Variants in IPO7 observed in about 807,000 individuals in gnomAD.
IPO7 encodes importin-7.
A neutral mutation model predicts 136.4 loss-of-function variants in IPO7; 13 were observed. That is an observed-to-expected ratio of 0.10 (90% CI 0.06 to 0.15). IPO7 has a LOEUF of 0.15. IPO7 is among the 10% of genes least tolerant of loss of function. IPO7 has a pLI of 1.00. For missense variants in IPO7, 857 were observed against 1,240.6 expected, an observed-to-expected ratio of 0.69 and a Z score of 4.65; for synonymous variants, 403 against 404.4, an observed-to-expected ratio of 1.00 and a Z score of 0.04.
intron 2 of IPO7, among the ~76,000 whole-genome samples, chr11:9,408,204 A>G (rs1486723393): frequency 6.6e-6 from 1 of 152,178 alleles, no homozygotes; most frequent in Non-Finnish European, 1.5e-5. Flanking sequence ...AAACAGGGTT[A>G]AAAGTGTTGT....
intron 23 of IPO7, among the ~76,000 whole-genome samples, chr11:9,441,154 C>A (rs193042844): frequency 3.3e-5 from 5 of 152,228 alleles, no homozygotes; most frequent in South Asian, 2.1e-4. Flanking sequence ...TTAGCACTTT[C>A]GGCATAATCA....
Position 9,433,640 on chromosome 11 carries a change from T to G in IPO7, c.1948+4T>G. 1 of 1,612,822 alleles carries G rather than the reference T, an allele frequency of 6.2e-7. No individual in the cohort carries two copies. Among genetic ancestry groups the G allele is most frequent in the Non-Finnish European group, 8.5e-7 (1 of 1,179,526 alleles). On this transcript the variant is annotated splice_donor_region_variant and intron_variant, in intron 17 of 24. Coordinates refer to ENST00000379719, the MANE Select transcript of IPO7 (RefSeq NM_006391.3). ...GTTTTACAACAGCATGTCTTAGGTATTATACCTCTGATTGTGCTAAGAATT... is the reference window on the plus strand; with the variant it reads ...GTTTTACAACAGCATGTCTTAGGTAGTATACCTCTGATTGTGCTAAGAATT...
At position 9,438,045 on chromosome 11, in the gene IPO7, GTTTTTTTTTTTTT is replaced by G. The variant is rs202038310; in HGVS notation, c.2490-15_2490-3del. 4,249 of 1,081,770 alleles carry G rather than the reference GTTTTTTTTTTTTT, an allele frequency of 3.9e-3. 13 individuals carry two copies. Among genetic ancestry groups the G allele is most frequent in the Middle Eastern group, 4.7e-3 (15 of 3,164 alleles). 67.0% of individuals were successfully genotyped at this position (1,081,770 alleles called of 1,614,324 possible). A position where few individuals can be genotyped will look rare whatever the true frequency, so the allele number is the denominator to read the frequency against. ...TCTGCTTATTTAAGAAAAGAAAACAGTTTTTTTTTTTTTTTTTTTTTTTTTTTTTTTTAGGCTT... is the reference window on the plus strand; with the variant it reads ...TCTGCTTATTTAAGAAAAGAAAACAGTTTTTTTTTTTTTTTTTTTAGGCTT... On this transcript the variant is annotated intron_variant, in intron 21 of 24. Transcript: ENST00000379719.
chr11:9,429,165 C>A lies in IPO7; in HGVS notation c.1560C>A (p.Ala520=), dbSNP rs570972581. 4.5e-5 allele frequency: 72 copies of A among 1,613,608 alleles called. 2 individuals carry two copies. In the South Asian group the frequency reaches 6.0e-4, roughly 14 times the overall value. Residue 520 remains alanine (A), a synonymous_variant, in exon 14 of 25, where the codon GCC becomes GCA. Coordinates refer to ENST00000379719, the MANE Select transcript of IPO7 (RefSeq NM_006391.3). ...EMPVKVEAAI[A]LQVLISNQEK... ...CTGTGAAAGTGGAAGCTGCCATTGC[C>A]CTTCAAGTATTGATCAGCAATCAAG...
rs202038310 is a variant in IPO7 at position 9,438,045 on chromosome 11, GTTTTTTTTTTTTTTTTTT to G, written c.2490-20_2490-3del. On this transcript the variant is annotated splice_polypyrimidine_tract_variant and intron_variant, in intron 21 of 24. Transcript: ENST00000379719. ...TCTGCTTATTTAAGAAAAGAAAACA[GTTTTTTTTTTTTTTTTTT>G]TTTTTTTTTTTTTTAGGCTTCATGA... 138 of 1,093,230 alleles carry G rather than the reference GTTTTTTTTTTTTTTTTTT, an allele frequency of 1.3e-4. No homozygotes were observed. Among genetic ancestry groups the G allele is most frequent in the Admixed American group, 1.8e-4 (6 of 33,876 alleles). 67.7% of individuals were successfully genotyped at this position (1,093,230 alleles called of 1,614,324 possible). A position where few individuals can be genotyped will look rare whatever the true frequency, so the allele number is the denominator to read the frequency against.
intron 2 of IPO7, 141 bp from the exon 3 acceptor site, chr11:9,408,344 TA>T: frequency 2.2e-6 from 1 of 444,604 alleles, no homozygotes; most frequent in Non-Finnish European, 3.8e-6. Context: ...ACTTTAAAAA[TA>T]ATTGAATGTA....
At chr11:9,388,041 G>A (rs906537187) in intron 1 of IPO7, among the ~76,000 whole-genome samples, 1 of 150,840 alleles carries the variant, frequency 6.6e-6, no homozygotes, top group Non-Finnish European at 1.5e-5. Flanking sequence ...CAGCTACTAG[G>A]GAGGCTGAGG....
chr11:9,433,995 C>T (rs890888116), intron 18 of IPO7, 149 bp downstream of exon 18: 1 of 720,020 alleles, frequency 1.4e-6, no homozygotes, highest in Non-Finnish European at 2.2e-6. Context: ...GCGATCTCAG[C>T]TCATCGCAAC....
intron 2 of IPO7, among the ~76,000 whole-genome samples, chr11:9,405,298 C>T (rs911393338): frequency 6.6e-6 from 1 of 152,154 alleles, no homozygotes; most frequent in Non-Finnish European, 1.5e-5. Flanking sequence ...CCTCAGCCTC[C>T]CGAGTAGCTG....
At chr11:9,404,454 G>C (rs1220500950) in intron 2 of IPO7, among the ~76,000 whole-genome samples, 1 of 151,540 alleles carries the variant, frequency 6.6e-6, no homozygotes, top group Non-Finnish European at 1.5e-5. Context: ...AACAGAGTGA[G>C]AGACCATCTC....
At chr11:9,432,456 C>G (rs527373689) in intron 16 of IPO7, among the ~76,000 whole-genome samples, 1 of 152,174 alleles carries the variant, frequency 6.6e-6, no homozygotes, top group Non-Finnish European at 1.5e-5. Flanking sequence ...CTCCCTTGAC[C>G]TCCCAAAGTG....
chr11:9,415,939 G>C (rs1224638776), intron 5 of IPO7, among the ~76,000 whole-genome samples: 1 of 152,168 alleles, frequency 6.6e-6, no homozygotes, highest in South Asian at 2.1e-4. Context: ...GAAAATTCTG[G>C]TTCTTTTTGT....
At chr11:9,413,956 A>G (rs1170420447) in intron 4 of IPO7, among the ~76,000 whole-genome samples, 3 of 151,904 alleles carry the variant, frequency 2.0e-5, no homozygotes, top group African/African-American at 7.3e-5. Context: ...TAACTATGTA[A>G]TACTGAGAAA....
intron 2 of IPO7, among the ~76,000 whole-genome samples, chr11:9,405,353 T>A (rs1854867316): frequency 6.6e-6 from 1 of 152,056 alleles, no homozygotes; most frequent in African/African-American, 2.4e-5. Flanking sequence ...TCTTTGTATT[T>A]TTAGTAGAGA....
intron 2 of IPO7, among the ~76,000 whole-genome samples, chr11:9,403,925 GAAC>G (rs1229186064): frequency 6.6e-6 from 1 of 151,996 alleles, no homozygotes; most frequent in Non-Finnish European, 1.5e-5. Context: ...GCAGTGGTGC[GAAC>G]TCGGCTCTCT....
In IPO7 at chr11:9,423,000, TC is replaced by T; in HGVS notation, c.907-4del. 3.3e-6 allele frequency: 5 copies of T among 1,518,068 alleles called. No homozygotes were observed. The highest frequency in any genetic ancestry group is 4.4e-6 in the Non-Finnish European group (5 of 1,129,634). The allele number at this position is 1,518,068 out of a possible 1,614,324, so 94.0% of individuals were successfully genotyped here. A position where few individuals can be genotyped will look rare whatever the true frequency, so the allele number is the denominator to read the frequency against. Reference sequence around the variant, plus strand: ...ATTGATTTGTGATCGAAAATTTTTTTCCAAGGTTTTATTGAAGGTGTTATAT... The same window carrying T: ...ATTGATTTGTGATCGAAAATTTTTTTCAAGGTTTTATTGAAGGTGTTATAT... On this transcript the variant is annotated splice_region_variant and splice_polypyrimidine_tract_variant and intron_variant, in intron 8 of 24. Coordinates refer to ENST00000379719, the MANE Select transcript of IPO7 (RefSeq NM_006391.3).
intron 1 of IPO7, among the ~76,000 whole-genome samples, chr11:9,395,696 G>T (rs1189446715): frequency 6.6e-6 from 1 of 152,012 alleles, no homozygotes; most frequent in Non-Finnish European, 1.5e-5. Context: ...TTTTACTTCA[G>T]CTTAGTTGTC....
chr11:9,441,045 C>T (rs140146475), intron 23 of IPO7, among the ~76,000 whole-genome samples: 1,711 of 152,210 alleles, frequency 0.011, 45 homozygotes, highest in African/African-American at 0.039. Context: ...CTATACTTAA[C>T]GTGTTAAGAG....
At chr11:9,391,110 C>T (rs1041802610) in intron 1 of IPO7, among the ~76,000 whole-genome samples, 2 of 151,988 alleles carry the variant, frequency 1.3e-5, no homozygotes, top group Admixed American at 6.6e-5. Flanking sequence ...TTTAAAGTTC[C>T]TAGTTGGAGG....
Sources: gnomAD v4.1 joint callset for allele counts (sites outside exome capture counted in the v4.1 genomes callset) on GRCh38, gnomAD v4.1.1 for gene constraint, MANE v1.5 for transcripts, NCBI Gene and HGNC (gene_info 2026-07-23, HGNC 2026-07-21) for gene names.